PHF3: variants seen among roughly 807,000 people sequenced by gnomAD.
PHF3 encodes the protein PHD finger protein 3.
Under a neutral mutation model 178.4 loss-of-function variants are expected in PHF3, and 41 were observed. The observed-to-expected ratio is 0.23, with a 90% CI of 0.18 to 0.30. PHF3 has a LOEUF of 0.30. PHF3 is among the 10% of genes least tolerant of loss of function. PHF3 has a pLI of 1.00. For missense variants in PHF3, 2,346 were observed against 2,398.1 expected, an observed-to-expected ratio of 0.98 and a Z score of 0.45; for synonymous variants, 842 against 800.5, an observed-to-expected ratio of 1.05 and a Z score of -0.88.
chr6:63,641,342 A>G (rs546293280), intron 1 of PHF3, among the ~76,000 whole-genome samples: 1 of 152,220 alleles, frequency 6.6e-6, no homozygotes, highest in Admixed American at 6.5e-5. Flanking sequence ...CACCACCACC[A>G]TCACTATTGC....
At chr6:63,707,010 T>C (rs1428658631) in intron 13 of PHF3, 134 bp downstream of exon 13, 1 of 736,234 alleles carries the variant, frequency 1.4e-6, no homozygotes, top group Non-Finnish European at 2.2e-6. Context: ...CCAAGTAATA[T>C]AATTATGAAT....
At chr6:63,681,279 T>C (rs973916199) in intron 3 of PHF3, among the ~76,000 whole-genome samples, 1 of 152,076 alleles carries the variant, frequency 6.6e-6, no homozygotes, top group African/African-American at 2.4e-5. Context: ...CATGATGATA[T>C]GTATTGGTTT....
intron 2 of PHF3, among the ~76,000 whole-genome samples, chr6:63,666,366 C>T (rs1203989097): frequency 1.3e-5 from 2 of 151,638 alleles, no homozygotes; most frequent in East Asian, 1.9e-4. Context: ...TAGTTTCTTA[C>T]GTATATATAT....
In PHF3 at chr6:63,722,845, C is replaced by A. The variant is rs1381967204; in HGVS notation, c.*9137C>A. ...CTAGACTGGTTGGAATGTTTGGCAGCTCTATAGTTCTTCACCTATCAAACT... is the reference window on the plus strand; with the variant it reads ...CTAGACTGGTTGGAATGTTTGGCAGATCTATAGTTCTTCACCTATCAAACT... On this transcript the variant is annotated 3_prime_UTR_variant, in exon 16 of 16. Transcript: ENST00000262043. Among the ~76,000 whole-genome samples, 2 of 152,212 alleles carry A rather than the reference C, an allele frequency of 1.3e-5. No homozygotes were observed. The highest frequency in any genetic ancestry group is 1.3e-4 in the Admixed American group (2 of 15,274).
Position 63,684,782 on chromosome 6 carries a change from A to C in PHF3, c.1060A>C (p.Asn354His). 1.9e-6 allele frequency: 3 copies of C among 1,614,082 alleles called. No individual in the cohort carries two copies. The highest frequency in any genetic ancestry group is 2.5e-6 in the Non-Finnish European group (3 of 1,179,938). Residue 354 changes from asparagine (N) to histidine (H), a missense_variant, in exon 4 of 16, where the codon AAT becomes CAT. Asn to His is a moderately conservative substitution (Grantham distance 68, BLOSUM62 1). Coordinates refer to ENST00000262043, the MANE Select transcript of PHF3 (RefSeq NM_001370348.2). Reference protein sequence around the residue: ...ISSDAACTNPNKTENSLVGLP... With the variant: ...ISSDAACTNPHKTENSLVGLP... ...TAGTGATGCTGCTTGTACAAATCCA[A>C]ATAAGACAGAAAACAGCCTTGTAGG...
intron 1 of PHF3, chr6:63,636,964 T>A (rs1363939144): frequency 1.3e-5 from 2 of 152,072 alleles, no homozygotes; most frequent in African/African-American, 4.8e-5. Context: ...CCGGGTTAGG[T>A]GACCTTTTTC....
intron 12 of PHF3, among the ~76,000 whole-genome samples, chr6:63,706,521 G>A (rs1272362417): frequency 6.6e-6 from 1 of 152,096 alleles, no homozygotes; most frequent in East Asian, 1.9e-4. Context: ...CTCAATCTTA[G>A]TTCTCCTAAG....
chr6:63,653,566 A>AT (rs1176088225), intron 2 of PHF3, among the ~76,000 whole-genome samples: 1 of 152,132 alleles, frequency 6.6e-6, no homozygotes, highest in African/African-American at 2.4e-5. Flanking sequence ...GAATTTGTTT[A>AT]TAAGTTCTAA....
rs1024731403 is a variant in PHF3 at position 63,721,554 on chromosome 6, A to G, written c.*7846A>G. ...GGGATTTACAAGATTTAAAGAAGAT[A>G]CTCCTCCAATATAGAAGTCTGTATT... On this transcript the variant is annotated 3_prime_UTR_variant, in exon 16 of 16. Coordinates refer to ENST00000262043, the MANE Select transcript of PHF3 (RefSeq NM_001370348.2). The G allele has an allele frequency of 3.2e-5, 49 of 1,551,542 alleles. No individual in the cohort carries two copies. Among genetic ancestry groups the G allele is most frequent in the Non-Finnish European group, 3.9e-5 (45 of 1,146,874 alleles).
At chr6:63,711,460 C>T (rs1767923606) in intron 15 of PHF3, 98 bp downstream of exon 15, 2 of 1,337,816 alleles carry the variant, frequency 1.5e-6, no homozygotes, top group Non-Finnish European at 2.1e-6. Flanking sequence ...AGGATCCAGC[C>T]CTCTAGAGAT....
In PHF3 at chr6:63,709,128, CTT is replaced by C. The variant is rs77193327; in HGVS notation, c.3712-10_3712-9del. Reference sequence around the variant, plus strand: ...AAAGATAATCTATATATATTGATCTCTTTTTTTTTTTTTTAACCATAGGACCT... The same window carrying C: ...AAAGATAATCTATATATATTGATCTCTTTTTTTTTTTTAACCATAGGACCT... On this transcript the variant is annotated intron_variant, in intron 13 of 15. Coordinates refer to ENST00000262043, the MANE Select transcript of PHF3 (RefSeq NM_001370348.2). The C allele has an allele frequency of 0.034, 35,696 of 1,039,850 alleles. No homozygotes were observed. The highest frequency in any genetic ancestry group is 0.056 in the South Asian group (3,615 of 64,392). 64.4% of individuals were successfully genotyped at this position (1,039,850 alleles called of 1,614,324 possible).
chr6:63,690,642 G>A (rs766846768), intron 4 of PHF3, among the ~76,000 whole-genome samples: 14 of 151,942 alleles, frequency 9.2e-5, no homozygotes, highest in South Asian at 2.1e-4. Flanking sequence ...TCAGTAGCAC[G>A]GTCTTTAGAT....
At chr6:63,688,723 C>T (rs931322421) in intron 4 of PHF3, among the ~76,000 whole-genome samples, 1 of 152,112 alleles carries the variant, frequency 6.6e-6, no homozygotes, top group Non-Finnish European at 1.5e-5. Context: ...TTCGTTTACT[C>T]AGAAAATGCA....
intron 1 of PHF3, among the ~76,000 whole-genome samples, chr6:63,643,337 C>A (rs765925632): frequency 3.9e-5 from 6 of 152,150 alleles, no homozygotes; most frequent in African/African-American, 4.8e-5. Context: ...ATGTTACTTT[C>A]AAGGGAGTTC....
intron 1 of PHF3, among the ~76,000 whole-genome samples, chr6:63,639,747 A>G (rs2149533369): frequency 6.6e-6 from 1 of 152,264 alleles, no homozygotes; most frequent in Middle Eastern, 3.4e-3. Context: ...TGAGGAACTA[A>G]TGAGATAATG....
intron 3 of PHF3, among the ~76,000 whole-genome samples, chr6:63,683,893 A>G (rs1466539427): frequency 6.6e-6 from 1 of 152,072 alleles, no homozygotes; most frequent in Non-Finnish European, 1.5e-5. Context: ...TGAATTTTTT[A>G]GAGGCTTTTC....
At chr6:63,664,329 AG>A (rs1765590113) in intron 2 of PHF3, among the ~76,000 whole-genome samples, 1 of 152,224 alleles carries the variant, frequency 6.6e-6, no homozygotes, top group South Asian at 2.1e-4. Context: ...CTCTGTTCAT[AG>A]AGCATGATCA....
intron 2 of PHF3, among the ~76,000 whole-genome samples, chr6:63,661,331 G>A (rs1266843283): frequency 1.3e-5 from 2 of 152,120 alleles, no homozygotes; most frequent in Non-Finnish European, 2.9e-5. Flanking sequence ...GAGACTAGAA[G>A]TTAAGAAAAT....
intron 5 of PHF3, 84 bp downstream of exon 5, chr6:63,692,127 A>T: frequency 1.0e-6 from 1 of 970,196 alleles, no homozygotes; most frequent in Non-Finnish European, 1.5e-6. Context: ...ATTTCTCTTT[A>T]GAAGTTTTAA....
Sources: allele counts gnomAD v4.1 joint callset (sites outside exome capture counted in the v4.1 genomes callset), GRCh38; gene constraint gnomAD v4.1.1; transcripts MANE v1.5; gene names NCBI Gene and HGNC (gene_info 2026-07-23, HGNC 2026-07-21).